Variants in ZNF469 observed in about 807,000 individuals in gnomAD.
ZNF469 encodes the protein zinc finger protein 469.
Under a neutral mutation model 1.0 loss-of-function variants are expected in ZNF469, and 1 was observed. The ratio of observed to expected loss-of-function variants is 1.00; its 90% CI spans 0.35 to 4.73. The LOEUF is 4.73. ZNF469 is among the 30% of genes most tolerant of loss of function. The pLI is 0.16. For missense variants in ZNF469, 6,100 were observed against 5,356.3 expected, an observed-to-expected ratio of 1.14 and a Z score of -4.33; for synonymous variants, 2,703 against 2,363.4, an observed-to-expected ratio of 1.14 and a Z score of -4.17.
At chr16:88,325,149 A>G in the ZNF469 span, among the ~76,000 whole-genome samples, 2 of 116,100 alleles carry the variant, frequency 1.7e-5, no homozygotes, top group East Asian at 2.3e-4. Flanking sequence ...TGGTCCCGAC[A>G]GCAGCTGCGA....
chr16:88,351,428 C>A, the ZNF469 span, among the ~76,000 whole-genome samples: 1 of 152,222 alleles, frequency 6.6e-6, no homozygotes, highest in Non-Finnish European at 1.5e-5. Flanking sequence ...CCTTACTCAG[C>A]CCCACAGGCC....
chr16:88,172,216 T>C, the ZNF469 span, among the ~76,000 whole-genome samples: 1 of 152,198 alleles, frequency 6.6e-6, no homozygotes, highest in Non-Finnish European at 1.5e-5. Context: ...CCCCTGGGGT[T>C]TTGGCTAAGC....
chr16:88,418,163 G>GC (rs1352719925), intron 1 of ZNF469, among the ~76,000 whole-genome samples: 1 of 152,234 alleles, frequency 6.6e-6, no homozygotes, highest in Non-Finnish European at 1.5e-5. Context: ...AAGACCTGCG[G>GC]CCCCAACCGG....
the ZNF469 span, among the ~76,000 whole-genome samples, chr16:88,269,572 G>T: frequency 0.073 from 11,100 of 151,976 alleles, 1,322 homozygotes; most frequent in African/African-American, 0.25. Context: ...CACACACTAT[G>T]GGCCCCGCCT....
chr16:88,110,262 G>T, the ZNF469 span, among the ~76,000 whole-genome samples: 1 of 152,312 alleles, frequency 6.6e-6, no homozygotes, highest in East Asian at 1.9e-4. Context: ...CGCCTCCTGG[G>T]CTTCTGATTC....
At chr16:88,139,219 G>GC in the ZNF469 span, among the ~76,000 whole-genome samples, 2 of 152,268 alleles carry the variant, frequency 1.3e-5, no homozygotes, top group Non-Finnish European at 2.9e-5. Flanking sequence ...GAGGCTCAGA[G>GC]CCCCAAGGAA....
the ZNF469 span, among the ~76,000 whole-genome samples, chr16:88,127,021 C>G: frequency 2.0e-5 from 3 of 152,164 alleles, no homozygotes; most frequent in African/African-American, 7.2e-5. Context: ...GTTTCATTCA[C>G]CATGTTGGCC....
At chr16:88,349,198 C>G in the ZNF469 span, among the ~76,000 whole-genome samples, 1 of 152,142 alleles carries the variant, frequency 6.6e-6, no homozygotes, top group Non-Finnish European at 1.5e-5. Context: ...CAGCCTTCCC[C>G]GACGGAGCAG....
the ZNF469 span, among the ~76,000 whole-genome samples, chr16:88,370,461 C>A: frequency 1.3e-5 from 2 of 152,158 alleles, no homozygotes; most frequent in Non-Finnish European, 2.9e-5. Context: ...ACTGTCCCCC[C>A]AGTCACTAGC....
the ZNF469 span, among the ~76,000 whole-genome samples, chr16:88,159,135 G>T: frequency 7.1e-5 from 1 of 14,130 alleles, no homozygotes; most frequent in Middle Eastern, 0.062. Context: ...CATTCTCACC[G>T]TCCTGGTCAC....
chr16:88,140,477 T>G, the ZNF469 span, among the ~76,000 whole-genome samples: 1 of 131,584 alleles, frequency 7.6e-6, no homozygotes, highest in South Asian at 2.1e-4. Context: ...GCACGGAAAG[T>G]CAGTGACAAC....
chr16:88,396,898 G>C (rs1281970314), intron 1 of ZNF469, among the ~76,000 whole-genome samples: 1 of 148,396 alleles, frequency 6.7e-6, no homozygotes, highest in Non-Finnish European at 1.5e-5. Context: ...GCCGGGTGGA[G>C]ACCCTCATGA....
At chr16:88,121,306 G>A in the ZNF469 span, among the ~76,000 whole-genome samples, 6 of 151,968 alleles carry the variant, frequency 3.9e-5, no homozygotes, top group African/African-American at 1.4e-4. Context: ...ACCCTCCGAG[G>A]AGTTCACCCT....
the ZNF469 span, among the ~76,000 whole-genome samples, chr16:88,311,902 T>C: frequency 0.55 from 84,434 of 152,160 alleles, 24,410 homozygotes; most frequent in East Asian, 0.76. Flanking sequence ...TGAAATCTCA[T>C]TGGCTGCTTG....
chr16:88,355,207 T>A, the ZNF469 span, among the ~76,000 whole-genome samples: 1 of 151,972 alleles, frequency 6.6e-6, no homozygotes, highest in Non-Finnish European at 1.5e-5. Flanking sequence ...CCTCCCAGAG[T>A]CCACTGTGCA....
Position 88,431,953 on chromosome 16 carries a change from G to C in ZNF469, c.4483G>C (p.Asp1495His). The C allele has an allele frequency of 6.5e-7, 1 of 1,549,322 alleles. No homozygotes were observed. The highest frequency in any genetic ancestry group is 2.4e-5 in the East Asian group (1 of 40,912). The change falls in exon 3 of 3, where the codon GAT becomes CAT. Residue 1495 changes from aspartate (D) to histidine (H), a missense_variant. Coordinates refer to ENST00000565624, the MANE Select transcript of ZNF469 (RefSeq NM_001367624.2). The part of the protein sequence containing the change: ...ADPPQKTVPS[D>H]PPYPSFLLLE... ...CCCTCCCCAGAAGACGGTGCCGTCA[G>C]ATCCACCGTACCCCTCTTTTTTGCT...
At chr16:88,285,165 G>A in the ZNF469 span, among the ~76,000 whole-genome samples, 1 of 152,252 alleles carries the variant, frequency 6.6e-6, no homozygotes, top group Non-Finnish European at 1.5e-5. Flanking sequence ...GAGTCTCAGG[G>A]CTGCTATCTG....
At chr16:88,296,206 C>T in the ZNF469 span, among the ~76,000 whole-genome samples, 1 of 152,192 alleles carries the variant, frequency 6.6e-6, no homozygotes, top group South Asian at 2.1e-4. Flanking sequence ...GCTTCTGTGT[C>T]CAGACTCCAG....
the ZNF469 span, among the ~76,000 whole-genome samples, chr16:88,353,847 A>G: frequency 6.6e-6 from 1 of 152,206 alleles, no homozygotes; most frequent in Non-Finnish European, 1.5e-5. Flanking sequence ...TGGAAGGACC[A>G]GGAAGGAAGC....
Sources: gnomAD v4.1 joint callset for allele counts (sites outside exome capture counted in the v4.1 genomes callset) on GRCh38, gnomAD v4.1.1 for gene constraint, MANE v1.5 for transcripts, NCBI Gene and HGNC (gene_info 2026-07-23, HGNC 2026-07-21) for gene names.